Variants in ABCB11 observed in about 807,000 individuals in gnomAD.
ABCB11 encodes ATP binding cassette subfamily B member 11.
ABCB11 carries 95 observed loss-of-function variants against 148.0 expected under a neutral mutation model. The observed-to-expected ratio is 0.64, with a 90% confidence interval of 0.54 to 0.76. The LOEUF (loss-of-function observed/expected upper bound fraction) is 0.76, where lower values mean the gene tolerates loss of function less well. Ranked by LOEUF, ABCB11 falls within the 30% of genes least tolerant of loss-of-function variation. ABCB11 has a pLI of 0.00. For missense variants in ABCB11, 1,523 were observed against 1,617.8 expected (o/e 0.94, Z 1.01); for synonymous variants, 591 against 555.4 (o/e 1.06, Z -0.90).
intron 8 of ABCB11, among the ~76,000 whole-genome samples, chr2:168,991,242 T>C (rs1694510964): frequency 6.6e-6 from 1 of 152,130 alleles, no homozygotes; most frequent in African/African-American, 2.4e-5. Context: ...TTAGACCATG[T>C]CATAGTTCAT....
At chr2:169,024,063 G>A (rs992396391) in intron 1 of ABCB11, among the ~76,000 whole-genome samples, 7 of 152,130 alleles carry the variant, frequency 4.6e-5, no homozygotes, top group Non-Finnish European at 1.0e-4. Context: ...AGTGGGGAGA[G>A]CATTAGGAAA....
chr2:168,993,802 A>G lies in ABCB11; in HGVS notation c.692T>C (p.Phe231Ser), dbSNP rs756287199. 7.4e-6 allele frequency: 12 copies of G among 1,611,576 alleles called. No homozygotes were observed. The highest frequency in any genetic ancestry group is 9.3e-6 in the Non-Finnish European group (11 of 1,178,716). Residue 231 changes from phenylalanine to serine, a missense_variant, in exon 8 of 28, where the codon TTC becomes TCC. By Grantham distance (155) the Phe-to-Ser change is radical. Coordinates refer to ENST00000650372, the MANE Select transcript of ABCB11 (RefSeq NM_003742.4). ...CCAACCCCTGAAAAATCCCAACAGG[A>G]AACCACAGATGGTCGAGGTCATGCG... ...IQRMTSTICG[F>S]LLGFFRGWKL...
chr2:168,940,317 A>G (rs902285114), intron 21 of ABCB11, among the ~76,000 whole-genome samples: 3 of 152,156 alleles, frequency 2.0e-5, no homozygotes, highest in South Asian at 2.1e-4. Flanking sequence ...GAAGGAAATT[A>G]AAAGTGCTAT....
intron 23 of ABCB11, 51 bp downstream of exon 23, chr2:168,935,133 A>G: frequency 6.2e-7 from 1 of 1,605,340 alleles, no homozygotes; most frequent in Non-Finnish European, 8.5e-7. Context: ...GAACCAGGCT[A>G]TTCCTTCCTT....
intron 19 of ABCB11, among the ~76,000 whole-genome samples, chr2:168,956,521 C>T (rs1358931186): frequency 6.6e-6 from 1 of 151,550 alleles, no homozygotes; most frequent in Non-Finnish European, 1.5e-5. Flanking sequence ...TGGGTTCATG[C>T]AGTAGTGTGA....
chr2:168,922,623 C>T lies in ABCB11; in HGVS notation c.*999G>A, dbSNP rs756881980. ...CTATTATCAATTGTCCATTTGCTTT[C>T]TGGCTCCCAAGATTTTGCAGGTGGC... On this transcript the variant is annotated 3_prime_UTR_variant, in exon 28 of 28. Transcript: ENST00000650372. Among the ~76,000 whole-genome samples, 6 of 152,198 alleles carry T rather than the reference C, an allele frequency of 3.9e-5. No individual in the cohort carries two copies. Among genetic ancestry groups the T allele is most frequent in the Non-Finnish European group, 8.8e-5 (6 of 68,038 alleles).
rs192665187 is a variant in ABCB11 at position 168,992,533 on chromosome 2, G to A, written c.783+1178C>T. 8.5e-5 allele frequency among the ~76,000 whole-genome samples: 13 copies of A among 152,232 alleles called. No homozygotes were observed. In the East Asian group the frequency reaches 2.1e-3, roughly 25 times the overall value. ...ACTGCCGTAAAACTTGAATGATATA[G>A]TGGATTGAAAAACATATACATCTCT... On this transcript the variant is annotated intron_variant, in intron 8 of 27. Coordinates refer to ENST00000650372, the MANE Select transcript of ABCB11 (RefSeq NM_003742.4).
In ABCB11 at chr2:168,957,955, T is replaced by C. The variant is rs749628109; in HGVS notation, c.2343+9A>G. 4 of 1,551,998 alleles carry C rather than the reference T, an allele frequency of 2.6e-6. No individual in the cohort carries two copies. Among genetic ancestry groups the C allele is most frequent in the Admixed American group, 1.7e-5 (1 of 57,972 alleles). ...GAGAAGAAGAAAGCTAGTCCAGCTGTGTACTTACCCCAAGAATCTGGCTGA... is the reference window on the plus strand; with the variant it reads ...GAGAAGAAGAAAGCTAGTCCAGCTGCGTACTTACCCCAAGAATCTGGCTGA... On this transcript the variant is annotated intron_variant, in intron 19 of 27. Transcript: ENST00000650372.
At chr2:168,927,998 A>G (rs1002673656) in intron 25 of ABCB11, among the ~76,000 whole-genome samples, 2 of 152,194 alleles carry the variant, frequency 1.3e-5, no homozygotes, top group Non-Finnish European at 2.9e-5. Flanking sequence ...CAGGTACTTG[A>G]ATATCTACCA....
At chr2:168,969,925 G>A in intron 15 of ABCB11, 120 bp downstream of exon 15, 1 of 964,740 alleles carries the variant, frequency 1.0e-6, no homozygotes, top group South Asian at 1.5e-5. Flanking sequence ...CAGACTAGAT[G>A]CATGAACCCA....
chr2:168,990,305 T>A (rs1694468248), intron 9 of ABCB11, among the ~76,000 whole-genome samples: 1 of 152,124 alleles, frequency 6.6e-6, no homozygotes, highest in African/African-American at 2.4e-5. Context: ...ATGTTCAGAT[T>A]TATTTCTCTT....
chr2:169,020,035 G>A (rs1695489874), intron 1 of ABCB11, among the ~76,000 whole-genome samples: 1 of 152,062 alleles, frequency 6.6e-6, no homozygotes, highest in South Asian at 2.1e-4. Flanking sequence ...AATATGTCAG[G>A]ACGGCCAATC....
rs1255495601 is a variant in ABCB11, at chr2:168,921,877, T to C, written c.*1745A>G. On this transcript the variant is annotated 3_prime_UTR_variant, in exon 28 of 28. Transcript: ENST00000650372. ...TTTTTCTTTTTCTTTTTTTTTTTTTTTCGCTCTGTCGCCCAGGCTGGAGTG... is the reference window on the plus strand; with the variant it reads ...TTTTTCTTTTTCTTTTTTTTTTTTTCTCGCTCTGTCGCCCAGGCTGGAGTG... 6.7e-6 allele frequency among the ~76,000 whole-genome samples: 1 copy of C among 150,274 alleles called. No homozygotes were observed. Among genetic ancestry groups the C allele is most frequent in the Non-Finnish European group, 1.5e-5 (1 of 67,602 alleles).
intron 11 of ABCB11, among the ~76,000 whole-genome samples, chr2:168,979,649 G>A (rs1210049682): frequency 8.0e-6 from 1 of 124,698 alleles, no homozygotes; most frequent in African/African-American, 3.2e-5. Context: ...TCCAGCCTGG[G>A]CAACAAGAGC....
At chr2:168,994,833 T>G (rs1694663372) in intron 7 of ABCB11, among the ~76,000 whole-genome samples, 1 of 152,044 alleles carries the variant, frequency 6.6e-6, no homozygotes, top group African/African-American at 2.4e-5. Flanking sequence ...GCCATTGTGT[T>G]CCAGCAGGGT....
intron 14 of ABCB11, among the ~76,000 whole-genome samples, chr2:168,971,629 T>C (rs533101568): frequency 1.3e-5 from 2 of 152,176 alleles, no homozygotes; most frequent in East Asian, 3.9e-4. Flanking sequence ...AGTGAGCTTT[T>C]CAAAAGAAAA....
At chr2:168,975,277 A>T (rs1315902147) in intron 12 of ABCB11, among the ~76,000 whole-genome samples, 2 of 76,410 alleles carry the variant, frequency 2.6e-5, no homozygotes, top group Admixed American at 1.3e-4. Flanking sequence ...ATAGATAAAT[A>T]TATGAATATT....
chr2:168,920,371 T>G (rs1691038042), downstream of ABCB11, among the ~76,000 whole-genome samples: 1 of 114,404 alleles, frequency 8.7e-6, no homozygotes, highest in Admixed American at 9.8e-5. Flanking sequence ...TTTTTTAAAA[T>G]AGTCTAAATT....
intron 23 of ABCB11, 87 bp downstream of exon 23, chr2:168,935,097 G>C: frequency 5.8e-6 from 9 of 1,547,362 alleles, no homozygotes; most frequent in Non-Finnish European, 8.8e-7. Flanking sequence ...GGGATGGTTT[G>C]CTAAGCAGCA....
Sources: allele counts gnomAD v4.1 joint callset (sites outside exome capture counted in the v4.1 genomes callset), GRCh38; gene constraint gnomAD v4.1.1; transcripts MANE v1.5; gene names NCBI Gene and HGNC (gene_info 2026-07-23, HGNC 2026-07-21).